Variants in CLN8 observed in about 807,000 individuals in gnomAD.
CLN8 encodes the protein protein CLN8.
In CLN8, 14 loss-of-function variants were observed where a neutral mutation model predicts 15.7. That is an observed-to-expected ratio of 0.89 (90% CI 0.59 to 1.39). The LOEUF (loss-of-function observed/expected upper bound fraction) is 1.39, where lower values mean the gene tolerates loss of function less well. Among genes scored for constraint, CLN8 ranks in the 40% most tolerant of loss-of-function variants. CLN8 has a pLI of 0.00. For synonymous variants in CLN8, 188 were observed against 151.0 expected (o/e 1.25, Z -1.80); for missense variants, 415 against 364.0 (o/e 1.14, Z -1.14).
At chr8:1,767,109 A>G (rs1176837002) in intron 1 of CLN8, among the ~76,000 whole-genome samples, 1 of 152,212 alleles carries the variant, frequency 6.6e-6, no homozygotes, top group Admixed American at 6.5e-5. Context: ...GAGAGAGCTG[A>G]GGAGTTCACC....
upstream of CLN8, chr8:1,759,208 A>G (rs1474020312): frequency 6.6e-6 from 1 of 152,132 alleles, no homozygotes; most frequent in Non-Finnish European, 1.5e-5. Flanking sequence ...ACTTCCCATC[A>G]CGGTCTGAAC....
At chr8:1,760,563 C>T (rs1184301162), upstream of CLN8, 11 of 152,108 alleles carry the variant, frequency 7.2e-5, no homozygotes, top group Non-Finnish European at 1.2e-4. Flanking sequence ...AAGACACAGT[C>T]CTGGAATGTT....
At chr8:1,761,266 C>T (rs937203262), upstream of CLN8, among the ~76,000 whole-genome samples, 1 of 151,842 alleles carries the variant, frequency 6.6e-6, no homozygotes, top group Non-Finnish European at 1.5e-5. Flanking sequence ...GCTGGCTGTG[C>T]GGGAGACCAG....
At chr8:1,759,899 A>G (rs1345430727), upstream of CLN8, 3 of 152,188 alleles carry the variant, frequency 2.0e-5, no homozygotes, top group African/African-American at 4.8e-5. Context: ...CTTTGAGGAC[A>G]CCGTCATTTT....
chr8:1,763,748 G>C (rs1800912837), upstream of CLN8: 1 of 145,714 alleles, frequency 6.9e-6, no homozygotes, highest in African/African-American at 2.5e-5. Context: ...GTGCGCACGC[G>C]CGTGCGAACG....
upstream of CLN8, among the ~76,000 whole-genome samples, chr8:1,761,139 C>A (rs1220557043): frequency 2.0e-5 from 3 of 148,600 alleles, no homozygotes; most frequent in Non-Finnish European, 4.5e-5. Flanking sequence ...CCTGCCTCAG[C>A]CTCCCACGTA....
At chr8:1,766,232 A>C (rs1006559975) in intron 1 of CLN8, among the ~76,000 whole-genome samples, 2 of 152,190 alleles carry the variant, frequency 1.3e-5, no homozygotes, top group Non-Finnish European at 2.9e-5. Context: ...GAAAATGAAG[A>C]TCTGCAGCGT....
At chr8:1,761,753 G>A (rs1261318752), upstream of CLN8, among the ~76,000 whole-genome samples, 1 of 152,218 alleles carries the variant, frequency 6.6e-6, no homozygotes, top group Non-Finnish European at 1.5e-5. Context: ...CGGTTGCTGA[G>A]TGCGGGCCAC....
intron 2 of CLN8, among the ~76,000 whole-genome samples, chr8:1,778,388 C>T (rs1024963334): frequency 3.9e-5 from 6 of 152,234 alleles, no homozygotes; most frequent in Non-Finnish European, 8.8e-5. Context: ...CTTAACCATC[C>T]GGAACTGACA....
chr8:1,771,208 ACTTAC>A lies in CLN8; in HGVS notation c.156_160del (p.Tyr53PhefsTer63). 3 of 1,613,956 alleles carry A rather than the reference ACTTAC, an allele frequency of 1.9e-6. No individual in the cohort carries two copies. The highest frequency in any genetic ancestry group is 2.5e-6 in the Non-Finnish European group (3 of 1,180,004). On this transcript the variant is annotated frameshift_variant, in exon 2 of 3. Coordinates refer to ENST00000331222, the MANE Select transcript of CLN8 (RefSeq NM_018941.4). LOFTEE classifies it high-confidence loss of function. ...CCAGCTGTCCTCTTCCCTGAATGCC[ACTTAC>A]CGTTCTTTGGTGGCCAGAGAGAAGG...
intron 2 of CLN8, among the ~76,000 whole-genome samples, chr8:1,775,859 A>G (rs186473891): frequency 1.3e-5 from 2 of 152,192 alleles, no homozygotes; most frequent in Admixed American, 6.5e-5. Flanking sequence ...AGCAATGAGC[A>G]CTCTTGCAGG....
At chr8:1,766,692 A>G (rs7465104) in intron 1 of CLN8, among the ~76,000 whole-genome samples, 152,010 of 152,290 alleles carry the variant, frequency 1, 75,871 homozygotes, top group Middle Eastern at 1. Context: ...TGCCCGGCCG[A>G]TTCGGCCTCC....
At chr8:1,772,629 T>G (rs1801360371) in intron 2 of CLN8, among the ~76,000 whole-genome samples, 2 of 138,724 alleles carry the variant, frequency 1.4e-5, no homozygotes, top group East Asian at 2.0e-4. Flanking sequence ...AGCTAATTTG[T>G]GTGTGTGTGT....
chr8:1,761,875 C>T (rs1800805621), upstream of CLN8: 1 of 152,208 alleles, frequency 6.6e-6, no homozygotes, highest in South Asian at 2.1e-4. Context: ...GTGATGTTAT[C>T]CCCAGGAGCA....
exon 1 of CLN8, chr8:1,755,961 A>C (rs996035166): frequency 6.6e-6 from 1 of 152,150 alleles, no homozygotes; most frequent in Non-Finnish European, 1.5e-5. Flanking sequence ...GTGAATTGGA[A>C]TTTTATTTCC....
At chr8:1,753,720 C>A (rs925039232), upstream of CLN8, among the ~76,000 whole-genome samples, 3 of 151,080 alleles carry the variant, frequency 2.0e-5, no homozygotes, top group Admixed American at 2.0e-4. Context: ...CCCGTCTCTA[C>A]TAAAAATACA....
intron 1 of CLN8, among the ~76,000 whole-genome samples, chr8:1,757,338 G>T (rs555330278): frequency 2.6e-5 from 4 of 152,296 alleles, no homozygotes; most frequent in African/African-American, 9.6e-5. Context: ...ACTGCCAAAT[G>T]TCCCCACGGG....
At chr8:1,764,382 CG>C (rs1419931362) in intron 1 of CLN8, 1 of 152,562 alleles carries the variant, frequency 6.6e-6, no homozygotes, top group Non-Finnish European at 1.5e-5. Flanking sequence ...GCGGCGCCGT[CG>C]CCCCTGACCT....
In CLN8 at chr8:1,771,609, C is replaced by G. The variant is rs1170598099; in HGVS notation, c.543+12C>G. 6.2e-7 allele frequency: 1 copy of G among 1,611,600 alleles called. No homozygotes were observed. The highest frequency in any genetic ancestry group is 8.5e-7 in the Non-Finnish European group (1 of 1,178,742). ...GGATGCTCTTAAAGGTAAGTGCATG[C>G]ATCAGCAGAAGATGACATGTGCCTC... On this transcript the variant is annotated intron_variant, in intron 2 of 2. Transcript: ENST00000331222.
Sources: gnomAD v4.1 joint callset for allele counts (sites outside exome capture counted in the v4.1 genomes callset) on GRCh38, gnomAD v4.1.1 for gene constraint, MANE v1.5 for transcripts, NCBI Gene and HGNC (gene_info 2026-07-23, HGNC 2026-07-21) for gene names.